EBF3: variants seen among roughly 807,000 people sequenced by gnomAD.
EBF3 encodes the protein transcription factor COE3.
In EBF3, 18 loss-of-function variants were observed where a neutral mutation model predicts 77.1. The ratio of observed to expected loss-of-function variants is 0.23; its 90% CI spans 0.16 to 0.35. The LOEUF (loss-of-function observed/expected upper bound fraction) is 0.35, where lower values mean the gene tolerates loss of function less well. EBF3 is among the 10% of genes least tolerant of loss of function. The probability of loss-of-function intolerance (pLI) is 1.00; values close to 1 mark genes in which losing one functional copy is unlikely to be tolerated. For synonymous variants in EBF3, 350 were observed against 343.5 expected, an observed-to-expected ratio of 1.02 and a Z score of -0.21; for missense variants, 558 against 860.0, an observed-to-expected ratio of 0.65 and a Z score of 4.39.
At chr10:129,957,666 C>T (rs1467782377) in intron 5 of EBF3, among the ~76,000 whole-genome samples, 1 of 152,204 alleles carries the variant, frequency 6.6e-6, no homozygotes, top group Non-Finnish European at 1.5e-5. Context: ...AATAACTTTT[C>T]ACAGCTTCGG....
At chr10:129,847,868 G>A (rs892484960) in intron 11 of EBF3, among the ~76,000 whole-genome samples, 1 of 152,202 alleles carries the variant, frequency 6.6e-6, no homozygotes, top group South Asian at 2.1e-4. Context: ...AGTCCCTCTA[G>A]ATATTAATAT....
chr10:129,943,483 T>C lies in EBF3; in HGVS notation c.554+13775A>G, dbSNP rs1564912989. On this transcript the variant is annotated intron_variant, in intron 6 of 16. Coordinates refer to ENST00000440978, the MANE Select transcript of EBF3 (RefSeq NM_001375380.1). This position sits in a 1 kb window ranked among gnomAD's most constrained non-coding sequence, Gnocchi z 8.8. ...GTGGTTTTCTCCATCATTATATAAC[T>C]GTAAACTTCTGGAGGTTAGAGATTG... is the stretch of plus-strand genomic sequence containing the variant. Among the ~76,000 whole-genome samples, 2 of 152,234 alleles carry C rather than the reference T, an allele frequency of 1.3e-5. No homozygotes were observed. Among genetic ancestry groups the C allele is most frequent in the South Asian group, 2.1e-4 (1 of 4,830 alleles).
At chr10:129,912,439 A>C (rs1197463505) in intron 6 of EBF3, among the ~76,000 whole-genome samples, 1 of 152,220 alleles carries the variant, frequency 6.6e-6, no homozygotes, top group Non-Finnish European at 1.5e-5. Context: ...CAGAGGGGAA[A>C]AAACAACAAA....
At position 129,837,890 on chromosome 10, in the gene EBF3, C is replaced by T; in HGVS notation, c.*53G>A. Reference sequence around the variant, plus strand: ...CTAAACGTGTCCCCTGAAGTCCGTCCTTTGATGCTGGGTGCTGCGGAAGGT... The same window carrying T: ...CTAAACGTGTCCCCTGAAGTCCGTCTTTTGATGCTGGGTGCTGCGGAAGGT... On this transcript the variant is annotated 3_prime_UTR_variant, in exon 17 of 17. Coordinates refer to ENST00000440978, the MANE Select transcript of EBF3 (RefSeq NM_001375380.1). 1 of 1,614,070 alleles carries T rather than the reference C, an allele frequency of 6.2e-7. No individual in the cohort carries two copies. Among genetic ancestry groups the T allele is most frequent in the Non-Finnish European group, 8.5e-7 (1 of 1,179,934 alleles).
chr10:129,918,139 G>A (rs1335261866), intron 6 of EBF3, among the ~76,000 whole-genome samples: 1 of 152,192 alleles, frequency 6.6e-6, no homozygotes, highest in Non-Finnish European at 1.5e-5. Flanking sequence ...TGGGGGATGT[G>A]GGATTCACTC....
rs543004344 is a variant in EBF3, at chr10:129,854,638, T to C, written c.1040-6158A>G. On this transcript the variant is annotated intron_variant, in intron 10 of 16. Coordinates refer to ENST00000440978, the MANE Select transcript of EBF3 (RefSeq NM_001375380.1). ...AGCCGATTGCAGGTGCAAATTAATATTGTAAAATGAAGATCAATGCATGGA... is the reference window on the plus strand; with the variant it reads ...AGCCGATTGCAGGTGCAAATTAATACTGTAAAATGAAGATCAATGCATGGA... Among the ~76,000 whole-genome samples, 6 of 152,334 alleles carry C rather than the reference T, an allele frequency of 3.9e-5. No individual in the cohort carries two copies. In the East Asian group the frequency reaches 1.2e-3, roughly 29 times the overall value.
intron 10 of EBF3, among the ~76,000 whole-genome samples, chr10:129,849,964 G>A (rs1850743303): frequency 6.6e-6 from 1 of 152,254 alleles, no homozygotes; most frequent in Admixed American, 6.5e-5. Flanking sequence ...GCGTTGACTT[G>A]GGGGACAATT....
intron 5 of EBF3, among the ~76,000 whole-genome samples, 158 bp from the exon 6 acceptor site, chr10:129,957,484 G>A (rs10829667): frequency 0.2 from 29,738 of 151,710 alleles, 3,036 homozygotes; most frequent in East Asian, 0.29. Context: ...CGTGTTCTGC[G>A]GCTAAACTTA....
intron 6 of EBF3, among the ~76,000 whole-genome samples, chr10:129,895,041 G>A (rs1157652969): frequency 3.9e-5 from 6 of 152,220 alleles, no homozygotes; most frequent in Admixed American, 3.9e-4. Flanking sequence ...CAGGCAAAAT[G>A]AGTGGGCATG....
rs75737717 is a variant in EBF3 at position 129,893,995 on chromosome 10, A to G, written c.555-16146T>C. 7.4e-4 allele frequency among the ~76,000 whole-genome samples: 112 copies of G among 151,978 alleles called. 1 individual carries two copies. In the East Asian group the frequency reaches 0.019, roughly 26 times the overall value. ...TCTCCTACCCAAGCCCCACTCCCCA[A>G]CTCGTGTGGCTGGAGATGCAACCCA... On this transcript the variant is annotated intron_variant, in intron 6 of 16. Transcript: ENST00000440978.
chr10:129,837,626 G>T lies in EBF3; in HGVS notation c.*317C>A. On this transcript the variant is annotated 3_prime_UTR_variant, in exon 17 of 17. Transcript: ENST00000440978. ...AGCAATTACTAGACATGGCCAAGAC[G>T]GAGTCGGAAACTTTATACAAAATAG... 2.8e-6 allele frequency: 1 copy of T among 353,090 alleles called. No homozygotes were observed. The highest frequency in any genetic ancestry group is 4.5e-5 in the Admixed American group (1 of 22,264). The allele number at this position is 353,090 out of a possible 1,614,324, so 21.9% of individuals were successfully genotyped here. A position where few individuals can be genotyped will look rare whatever the true frequency, so the allele number is the denominator to read the frequency against.
intron 6 of EBF3, among the ~76,000 whole-genome samples, chr10:129,899,431 A>G (rs1052622392): frequency 3.3e-5 from 5 of 152,200 alleles, no homozygotes; most frequent in African/African-American, 9.7e-5. Context: ...GTGCCGGAGG[A>G]CGGTGAGGCA....
intron 4 of EBF3, 74 bp downstream of exon 4, chr10:129,962,097 T>G: frequency 7.1e-7 from 1 of 1,412,916 alleles, no homozygotes; most frequent in Non-Finnish European, 1.0e-6. Flanking sequence ...CATTTGTCAG[T>G]GCCCTTGCCT....
At chr10:129,859,987 T>G (rs1405923478) in intron 10 of EBF3, among the ~76,000 whole-genome samples, 3 of 152,214 alleles carry the variant, frequency 2.0e-5, no homozygotes, top group Non-Finnish European at 4.4e-5. Context: ...GACATGTTTG[T>G]GCTGATGTCT....
intron 6 of EBF3, among the ~76,000 whole-genome samples, chr10:129,933,979 C>T (rs1353006066): frequency 6.6e-6 from 1 of 152,242 alleles, no homozygotes; most frequent in Non-Finnish European, 1.5e-5. Context: ...AGGCCCTCTG[C>T]TCCTGCGCCC....
At chr10:129,878,461 G>A (rs568144305) in intron 6 of EBF3, among the ~76,000 whole-genome samples, 18 of 152,148 alleles carry the variant, frequency 1.2e-4, no homozygotes, top group Admixed American at 3.9e-4. Flanking sequence ...TTGAGGTCAG[G>A]AGTTCGAGAC....
At chr10:129,873,655 T>C in intron 7 of EBF3, 59 bp from the exon 8 acceptor site, 1 of 1,431,218 alleles carries the variant, frequency 7.0e-7, no homozygotes, top group Non-Finnish European at 9.2e-7. Flanking sequence ...AGCCCCCTGT[T>C]AGGCAAAATA....
intron 10 of EBF3, among the ~76,000 whole-genome samples, chr10:129,866,820 C>T (rs1052622668): frequency 2.0e-5 from 3 of 152,212 alleles, no homozygotes; most frequent in African/African-American, 7.2e-5. Context: ...ATGTGGGCAG[C>T]TGCCGCAGTG....
At chr10:129,909,958 C>T (rs956856071) in intron 6 of EBF3, among the ~76,000 whole-genome samples, 3 of 152,250 alleles carry the variant, frequency 2.0e-5, no homozygotes, top group African/African-American at 7.2e-5. Context: ...AGGCAGGGAG[C>T]GTTTACCTCC....
Sources: allele counts gnomAD v4.1 joint callset (sites outside exome capture counted in the v4.1 genomes callset), GRCh38; gene constraint gnomAD v4.1.1; non-coding constraint Gnocchi (gnomAD v3.1); transcripts MANE v1.5; gene names NCBI Gene and HGNC (gene_info 2026-07-23, HGNC 2026-07-21).